ABLIM1: variants seen among roughly 807,000 people sequenced by gnomAD.
ABLIM1 encodes the protein actin binding LIM protein 1, also known as actin-binding LIM protein 1.
A neutral mutation model predicts 107.0 loss-of-function variants in ABLIM1; 40 were observed. The ratio of observed to expected loss-of-function variants is 0.37; its 90% confidence interval spans 0.29 to 0.49. The LOEUF (loss-of-function observed/expected upper bound fraction) is 0.49. ABLIM1 is among the 20% of genes least tolerant of loss of function. The probability of loss-of-function intolerance (pLI) is 0.97; values close to 1 mark genes in which losing one functional copy is unlikely to be tolerated. For missense variants in ABLIM1, 857 were observed against 1,008.5 expected (o/e 0.85, Z 2.04); for synonymous variants, 357 against 357.3 (o/e 1.00, Z 0.01).
chr10:114,774,501 G>A, the ABLIM1 span, among the ~76,000 whole-genome samples: 2 of 152,180 alleles, frequency 1.3e-5, no homozygotes, highest in African/African-American at 4.8e-5. Flanking sequence ...GGAATCTACA[G>A]AAGAGTGTTC....
chr10:114,650,240 A>C (rs1443280031), intron 1 of ABLIM1, among the ~76,000 whole-genome samples: 4 of 152,162 alleles, frequency 2.6e-5, no homozygotes, highest in Non-Finnish European at 5.9e-5. Context: ...TGCCAAGTTA[A>C]CAGGAGTCCA....
the ABLIM1 span, among the ~76,000 whole-genome samples, chr10:114,784,652 G>A: frequency 7.5e-6 from 1 of 133,450 alleles, no homozygotes; most frequent in East Asian, 2.1e-4. Flanking sequence ...GGGCAACAGA[G>A]GGAGACTCAC....
At position 114,434,621 on chromosome 10, in the gene ABLIM1, T is replaced by G. The variant is rs796946968; in HGVS notation, c.*1639A>C. 4 of 152,234 alleles carry G rather than the reference T, an allele frequency of 2.6e-5. No individual in the cohort carries two copies. The highest frequency in any genetic ancestry group is 4.1e-4 in the South Asian group (2 of 4,830). The allele number at this position is 152,234 out of a possible 1,614,324, so 9.4% of individuals were successfully genotyped here. A position where few individuals can be genotyped will look rare whatever the true frequency, so the allele number is the denominator to read the frequency against. ...GAAGGTAAATTCAAATGTTTTCTTC[T>G]TCGGCTTTAAAACAGAGCTTAAATT... On this transcript the variant is annotated 3_prime_UTR_variant, in exon 23 of 23. Transcript: ENST00000533213.
At chr10:114,791,560 C>A in the ABLIM1 span, among the ~76,000 whole-genome samples, 21 of 151,926 alleles carry the variant, frequency 1.4e-4, no homozygotes, top group African/African-American at 5.1e-4. Flanking sequence ...ATGGCGTGAA[C>A]CTGGGAGGGG....
At chr10:114,556,278 T>C (rs1240726182) in intron 4 of ABLIM1, among the ~76,000 whole-genome samples, 3 of 152,238 alleles carry the variant, frequency 2.0e-5, no homozygotes, top group Non-Finnish European at 4.4e-5. Context: ...GACCTGAACG[T>C]GGATCAGATT....
chr10:114,756,702 A>G (rs1273396402), intron 1 of ABLIM1, among the ~76,000 whole-genome samples: 1 of 152,132 alleles, frequency 6.6e-6, no homozygotes, highest in African/African-American at 2.4e-5. Flanking sequence ...TCCAAGCACC[A>G]TTTCCTGTGC....
chr10:114,455,510 G>T (rs1404721161), intron 12 of ABLIM1, among the ~76,000 whole-genome samples: 2 of 152,178 alleles, frequency 1.3e-5, no homozygotes, highest in African/African-American at 4.8e-5. Context: ...GAAAACAGGG[G>T]AAGGAAGATT....
chr10:114,625,135 G>A (rs2077707365), intron 1 of ABLIM1, among the ~76,000 whole-genome samples: 1 of 152,092 alleles, frequency 6.6e-6, no homozygotes, highest in African/African-American at 2.4e-5. Context: ...AAAGACTGGG[G>A]CTTTTGAAGT....
chr10:114,736,417 T>TA (rs1331249742), intron 1 of ABLIM1, among the ~76,000 whole-genome samples: 2 of 152,154 alleles, frequency 1.3e-5, no homozygotes, highest in Non-Finnish European at 2.9e-5. Context: ...GGTTGGATAT[T>TA]AAAAAACAAC....
intron 2 of ABLIM1, among the ~76,000 whole-genome samples, chr10:114,594,361 C>G (rs117276876): frequency 6.6e-6 from 1 of 152,226 alleles, no homozygotes; most frequent in Non-Finnish European, 1.5e-5. Flanking sequence ...TGCACTCTTT[C>G]TTTTCAGAAG....
At chr10:114,788,334 T>A in the ABLIM1 span, among the ~76,000 whole-genome samples, 1,011 of 131,240 alleles carry the variant, frequency 7.7e-3, 11 homozygotes, top group African/African-American at 0.027. Context: ...AATAAAAAAA[T>A]AAAAAAAAAA....
chr10:114,549,155 C>T (rs889787874), intron 4 of ABLIM1, among the ~76,000 whole-genome samples: 1 of 152,110 alleles, frequency 6.6e-6, no homozygotes, highest in African/African-American at 2.4e-5. Flanking sequence ...GAGGCCGAGG[C>T]GGATGGATCA....
intron 1 of ABLIM1, among the ~76,000 whole-genome samples, chr10:114,657,171 A>C (rs1362792183): frequency 6.6e-6 from 1 of 152,200 alleles, no homozygotes; most frequent in African/African-American, 2.4e-5. Context: ...GCTGTCCAAG[A>C]ATGACGAGGA....
chr10:114,442,250 A>T (rs2060300345), intron 17 of ABLIM1, among the ~76,000 whole-genome samples: 1 of 152,374 alleles, frequency 6.6e-6, no homozygotes, highest in Admixed American at 6.5e-5. Context: ...TTGATAAGGC[A>T]GCAGTAACTG....
chr10:114,673,256 T>TAAA (rs10712808), intron 1 of ABLIM1, among the ~76,000 whole-genome samples: 6 of 130,166 alleles, frequency 4.6e-5, no homozygotes, highest in Admixed American at 1.6e-4. Flanking sequence ...AGACTCCAGC[T>TAAA]AAAAAAAAAA....
rs61606135 is a variant in ABLIM1 at position 114,734,839 on chromosome 10, C to T, written c.-213+33222G>A. Among the ~76,000 whole-genome samples, 1,512 of 152,190 alleles carry T rather than the reference C, an allele frequency of 9.9e-3. 25 individuals are homozygous for T. Among genetic ancestry groups the T allele is most frequent in the African/African-American group, 0.033 (1,380 of 41,514 alleles). On this transcript the variant is annotated intron_variant, in intron 1 of 15. Coordinates refer to the ABLIM1 transcript ENST00000651092. ...GCCCAACAGAATGCCCTTCATCTAG[C>T]GATAACTTAGTAAATAACTAATAAG...
intron 2 of ABLIM1, among the ~76,000 whole-genome samples, chr10:114,593,371 A>G (rs1320009299): frequency 6.6e-6 from 1 of 152,190 alleles, no homozygotes; most frequent in Non-Finnish European, 1.5e-5. Context: ...AGAAGACATG[A>G]AACTCCTGGA....
chr10:114,746,452 A>G (rs808321), intron 1 of ABLIM1, among the ~76,000 whole-genome samples: 23,754 of 152,158 alleles, frequency 0.16, 2,061 homozygotes, highest in Middle Eastern at 0.24. Context: ...GTATTCTATT[A>G]TGTACGTATA....
intron 2 of ABLIM1, among the ~76,000 whole-genome samples, chr10:114,585,513 G>A (rs553387178): frequency 1.3e-5 from 2 of 152,198 alleles, no homozygotes; most frequent in African/African-American, 4.8e-5. Context: ...TCCCCTGCCC[G>A]ATCTCCCCTG....
Sources: allele counts gnomAD v4.1 joint callset (sites outside exome capture counted in the v4.1 genomes callset), GRCh38; gene constraint gnomAD v4.1.1; transcripts MANE v1.5; gene names NCBI Gene and HGNC (gene_info 2026-07-23, HGNC 2026-07-21).